ANKS3: variants seen among roughly 807,000 people sequenced by gnomAD.
The protein encoded by ANKS3 is ankyrin repeat and sterile alpha motif domain containing 3.
ANKS3 carries 62 observed loss-of-function variants against 80.7 expected under a neutral mutation model. The observed-to-expected ratio is 0.77, with a 90% CI of 0.63 to 0.95. ANKS3 has a LOEUF of 0.95. Ranked by LOEUF, ANKS3 falls within the 40% of genes least tolerant of loss-of-function variation. The probability of loss-of-function intolerance (pLI) is 0.00; values close to 1 mark genes in which losing one functional copy is unlikely to be tolerated. For missense variants in ANKS3, 1,150 were observed against 883.6 expected (o/e 1.30, Z -3.82); for synonymous variants, 489 against 355.3 (o/e 1.38, Z -4.23).
In ANKS3 at chr16:4,726,669, C is replaced by A; in HGVS notation, c.481G>T (p.Ala161Ser). 6.2e-7 allele frequency: 1 copy of A among 1,613,748 alleles called. No individual in the cohort carries two copies. The stretch of plus-strand genomic sequence containing the variant: ...AGATGTGGCAATCACCTCACGTTGG[C>A]ATTGGCTCCACTGTCCAAGAGGAAC... Reference protein sequence around the residue: ...VRFLLDSGANANVREPICGFT... With the variant: ...VRFLLDSGANSNVREPICGFT... The change falls in exon 5 of 18, where the codon GCC (alanine) becomes TCC (serine). Residue 161 changes from alanine to serine, a missense_variant. Ala to Ser is a moderately conservative substitution (Grantham distance 99). Coordinates refer to ENST00000304283, the MANE Select transcript of ANKS3 (RefSeq NM_133450.4).
chr16:4,730,243 T>C (rs757325284), intron 2 of ANKS3, 92 bp from the exon 3 acceptor site: 45 of 1,248,062 alleles, frequency 3.6e-5, no homozygotes, highest in Non-Finnish European at 4.7e-5. Context: ...ACCACTGCAC[T>C]AGCAGACTGA....
At chr16:4,705,758 C>A (rs545135667) in intron 7 of ANKS3, among the ~76,000 whole-genome samples, 1 of 152,024 alleles carries the variant, frequency 6.6e-6, no homozygotes, top group Non-Finnish European at 1.5e-5. Flanking sequence ...CCATGCCCAG[C>A]CAGGAGTTTA....
At chr16:4,705,478 T>A (rs2080134416) in intron 7 of ANKS3, among the ~76,000 whole-genome samples, 1 of 152,228 alleles carries the variant, frequency 6.6e-6, no homozygotes, top group Non-Finnish European at 1.5e-5. Context: ...TCATTTTTCT[T>A]GAGACAGAGT....
rs554467946 is a variant in ANKS3, at chr16:4,709,885, C to A, written c.709+4166G>T. ...CATTAGCCAGGTGTGGTGGTAGGTG[C>A]CTGTAGTGCCAGCTACTCGGGAGGC... On this transcript the variant is annotated intron_variant, in intron 7 of 17. Coordinates refer to ENST00000304283, the MANE Select transcript of ANKS3 (RefSeq NM_133450.4). 2.0e-5 allele frequency among the ~76,000 whole-genome samples: 3 copies of A among 152,196 alleles called. No individual in the cohort carries two copies. The East Asian group carries it at 5.8e-4, about 29-fold the overall frequency.
chr16:4,727,054 C>A lies in ANKS3; in HGVS notation c.294G>T (p.Pro98=). The part of the protein sequence containing the change: ...LLEAGVSVNV[P]TPEGQTPLML... ...TCAGTGGAGTCTGCCCTTCTGGGGT[C>A]GGCACATTCACACTCACCCCCGCCT... The change falls in exon 4 of 18, where the codon CCG becomes CCT. Residue 98 remains proline (P), a synonymous_variant. Coordinates refer to ENST00000304283, the MANE Select transcript of ANKS3 (RefSeq NM_133450.4). The A allele has an allele frequency of 6.2e-7, 1 of 1,614,124 alleles. No homozygotes were observed. Among genetic ancestry groups the A allele is most frequent in the Non-Finnish European group, 8.5e-7 (1 of 1,180,032 alleles).
intron 8 of ANKS3, among the ~76,000 whole-genome samples, chr16:4,703,649 G>T (rs1279620525): frequency 6.6e-6 from 1 of 150,454 alleles, no homozygotes; most frequent in Non-Finnish European, 1.5e-5. Flanking sequence ...TGGATCTCTT[G>T]ATCCACCTGC....
At chr16:4,706,226 C>CA (rs2080180942) in intron 7 of ANKS3, among the ~76,000 whole-genome samples, 1 of 149,174 alleles carries the variant, frequency 6.7e-6, no homozygotes. Flanking sequence ...TCTGTATTTT[C>CA]TTTTTTTTTT....
At chr16:4,702,592 C>G (rs894801633) in intron 8 of ANKS3, among the ~76,000 whole-genome samples, 5 of 152,150 alleles carry the variant, frequency 3.3e-5, no homozygotes, top group Non-Finnish European at 7.3e-5. Flanking sequence ...TAGCTAATGA[C>G]CTCACACAGA....
At chr16:4,719,440 T>C (rs1315996206) in intron 6 of ANKS3, among the ~76,000 whole-genome samples, 3 of 152,210 alleles carry the variant, frequency 2.0e-5, no homozygotes, top group Admixed American at 2.0e-4. Flanking sequence ...AGGCTCTTTA[T>C]GGTTCTGGGC....
chr16:4,705,952 G>A (rs1461866271), intron 7 of ANKS3, among the ~76,000 whole-genome samples: 1 of 150,562 alleles, frequency 6.6e-6, no homozygotes, highest in Non-Finnish European at 1.5e-5. Flanking sequence ...TTGAGAAGGA[G>A]TTTTGCTCTT....
intron 8 of ANKS3, 75 bp from the exon 9 acceptor site, chr16:4,702,317 G>C (rs555649083): frequency 2.2e-6 from 3 of 1,376,182 alleles, no homozygotes; most frequent in Admixed American, 7.2e-5. Context: ...GCCCAGGATG[G>C]AGGCAGGTGA....
At chr16:4,700,663 C>G (rs1352172310) in intron 11 of ANKS3, 8 of 471,590 alleles carry the variant, frequency 1.7e-5, no homozygotes, top group Non-Finnish European at 2.8e-5. Flanking sequence ...CACATCTTGT[C>G]AGACTCCTGC....
intron 6 of ANKS3, among the ~76,000 whole-genome samples, chr16:4,718,697 C>T (rs11865411): frequency 6.6e-6 from 1 of 152,204 alleles, no homozygotes; most frequent in Non-Finnish European, 1.5e-5. Flanking sequence ...ACCAGCATCG[C>T]TGGCAGGCAA....
rs942594525 is a variant in ANKS3 at position 4,696,743 on chromosome 16, C to A, written c.*165G>T. ...GGCCCGAGCTGCCGAGCCAGGGCCG[C>A]AGCCCCCGTCTTGCCTCTGTCTGCC... On this transcript the variant is annotated 3_prime_UTR_variant, in exon 18 of 18. Coordinates refer to ENST00000304283, the MANE Select transcript of ANKS3 (RefSeq NM_133450.4). The A allele has an allele frequency of 7.7e-6, 4 of 522,504 alleles. No individual in the cohort carries two copies. Among genetic ancestry groups the A allele is most frequent in the African/African-American group, 3.8e-5 (2 of 52,002 alleles). 32.4% of individuals were successfully genotyped at this position (522,504 alleles called of 1,614,324 possible). A position where few individuals can be genotyped will look rare whatever the true frequency, so the allele number is the denominator to read the frequency against.
At chr16:4,725,974 G>A (rs1316611638) in intron 5 of ANKS3, among the ~76,000 whole-genome samples, 1 of 81,754 alleles carries the variant, frequency 1.2e-5, no homozygotes, top group African/African-American at 3.6e-5. Context: ...CATGACTGTT[G>A]TTTTTGTTTT....
intron 4 of ANKS3, 46 bp from the exon 5 acceptor site, chr16:4,726,826 G>A (rs373931372): frequency 1.4e-5 from 23 of 1,603,196 alleles, no homozygotes; most frequent in East Asian, 4.5e-5. Flanking sequence ...TCTCCTCTGC[G>A]TGGGGCGGGC....
chr16:4,724,834 G>A lies in ANKS3; in HGVS notation c.492-3C>T. The stretch of plus-strand genomic sequence containing the variant: ...GAGTAAATCCACATATCGGCTCCCT[G>A]CAAGATGTGGGCCACAGTCAGATGA... On this transcript the variant is annotated splice_polypyrimidine_tract_variant and splice_region_variant and intron_variant, in intron 5 of 17. Transcript: ENST00000304283. 2.5e-6 allele frequency: 4 copies of A among 1,613,528 alleles called. No homozygotes were observed. Among genetic ancestry groups the A allele is most frequent in the East Asian group, 2.2e-5 (1 of 44,874 alleles).
At chr16:4,701,717 G>A (rs2079917710) in intron 9 of ANKS3, 174 bp from the exon 10 acceptor site, 1 of 558,692 alleles carries the variant, frequency 1.8e-6, no homozygotes, top group Admixed American at 3.3e-5. Context: ...CAGACGGGCA[G>A]GGCTTCTGTC....
rs150586059 is a variant in ANKS3, at chr16:4,709,163, T to G, written c.710-3910A>C. ...GGTTCATGCCTGTAATCCCAGCACT[T>G]TGGGAGGCCGAGTCGGGTGGACCAC... On this transcript the variant is annotated intron_variant, in intron 7 of 17. Transcript: ENST00000304283. Among the ~76,000 whole-genome samples, 1,001 of 151,872 alleles carry G rather than the reference T, an allele frequency of 6.6e-3. 9 individuals are homozygous for G. The highest frequency in any genetic ancestry group is 0.023 in the African/African-American group (949 of 41,388).
Sources: gnomAD v4.1 joint callset for allele counts (sites outside exome capture counted in the v4.1 genomes callset) on GRCh38, gnomAD v4.1.1 for gene constraint, MANE v1.5 for transcripts, NCBI Gene and HGNC (gene_info 2026-07-23, HGNC 2026-07-21) for gene names.